The following CASQ2 variants were observed in gnomAD, a reference collection of about 807,000 sequenced individuals.
The protein encoded by CASQ2 is calsequestrin 2.
Under a neutral mutation model 46.5 loss-of-function variants are expected in CASQ2, and 49 were observed. That is an observed-to-expected ratio of 1.05 (90% CI 0.84 to 1.34). The LOEUF (loss-of-function observed/expected upper bound fraction) is 1.34. CASQ2 is among the 40% of genes most tolerant of loss of function. The pLI, the probability that CASQ2 is intolerant of heterozygous loss-of-function variation, is 0.00. For synonymous variants in CASQ2, 174 were observed against 168.5 expected (o/e 1.03, Z -0.25); for missense variants, 486 against 481.3 (o/e 1.01, Z -0.09).
intron 1 of CASQ2, among the ~76,000 whole-genome samples, chr1:115,765,376 A>T (rs1161063989): frequency 6.6e-6 from 1 of 152,108 alleles, no homozygotes; most frequent in Non-Finnish European, 1.5e-5. Context: ...CATCCCTTAG[A>T]GATGCAGACA....
chr1:115,738,426 G>A (rs998682190), intron 3 of CASQ2, 91 bp from the exon 4 acceptor site: 23 of 870,726 alleles, frequency 2.6e-5, no homozygotes, highest in South Asian at 9.2e-5. Context: ...AAGTTGTAGC[G>A]GACTTTGTGG....
At chr1:115,733,033 T>C (rs1235289321) in intron 4 of CASQ2, 59 bp from the exon 5 acceptor site, 3 of 1,269,226 alleles carry the variant, frequency 2.4e-6, no homozygotes, top group Admixed American at 1.7e-5. Context: ...CAGAAGAATC[T>C]TCTTTTTAAA....
chr1:115,749,483 A>G (rs957768642), intron 1 of CASQ2, among the ~76,000 whole-genome samples: 3 of 152,212 alleles, frequency 2.0e-5, no homozygotes, highest in Admixed American at 2.0e-4. Flanking sequence ...AGAGCAGGCA[A>G]TAACACATGG....
At position 115,701,344 on chromosome 1, in the gene CASQ2, A is replaced by G. The variant is rs762153545; in HGVS notation, c.1097T>C (p.Leu366Pro). 6 of 1,613,370 alleles carry G rather than the reference A, an allele frequency of 3.7e-6. No individual in the cohort carries two copies. The African/African-American group carries it at 6.7e-5, about 18-fold the overall frequency. The change falls in exon 11 of 11, where the codon CTT becomes CCT. Residue 366 changes from leucine to proline, a missense_variant. Transcript: ENST00000261448. The stretch of plus-strand genomic sequence containing the variant: ...ATCTTCAGTGTTTATCTTTCCAGAA[A>G]GCACATCCTCAATCCAGTCCTCCAG... ...EELEDWIEDVLSGKINTEDDD... is the reference protein window; with the variant it reads ...EELEDWIEDVPSGKINTEDDD...
At chr1:115,743,336 C>G (rs1372459720) in intron 2 of CASQ2, among the ~76,000 whole-genome samples, 1 of 152,032 alleles carries the variant, frequency 6.6e-6, no homozygotes, top group Non-Finnish European at 1.5e-5. Flanking sequence ...CTTGATCTCC[C>G]TGGCTCAAGC....
chr1:115,764,207 T>A (rs967394563), intron 1 of CASQ2, among the ~76,000 whole-genome samples: 14 of 152,134 alleles, frequency 9.2e-5, no homozygotes, highest in African/African-American at 3.4e-4. Flanking sequence ...TTTAAAACTC[T>A]AAAAATTGTG....
Position 115,768,632 on chromosome 1 carries a change from A to G in CASQ2, c.-91T>C. 1 of 828,896 alleles carries G rather than the reference A, an allele frequency of 1.2e-6. No homozygotes were observed. The highest frequency in any genetic ancestry group is 2.0e-6 in the Non-Finnish European group (1 of 498,942). The allele number at this position is 828,896 out of a possible 1,614,324, so 51.3% of individuals were successfully genotyped here. ...AGAGGCCTTGTTGAGCCAAGGAGAGAGCAGACAGGCTGATTTTCTCTCTTC... is the reference window on the plus strand; with the variant it reads ...AGAGGCCTTGTTGAGCCAAGGAGAGGGCAGACAGGCTGATTTTCTCTCTTC... On this transcript the variant is annotated 5_prime_UTR_variant, in exon 1 of 11. Transcript: ENST00000261448.
intron 6 of CASQ2, among the ~76,000 whole-genome samples, 173 bp downstream of exon 6, chr1:115,726,819 T>A (rs1193414171): frequency 1.3e-5 from 2 of 152,228 alleles, no homozygotes; most frequent in African/African-American, 4.8e-5. Flanking sequence ...GATTCAGAAG[T>A]AATAACATCC....
chr1:115,705,243 A>C lies in CASQ2; in HGVS notation c.888T>G (p.Thr296=), dbSNP rs769250369. 1 of 1,614,032 alleles carries C rather than the reference A, an allele frequency of 6.2e-7. No individual in the cohort carries two copies. Among genetic ancestry groups the C allele is most frequent in the African/African-American group, 1.3e-5 (1 of 74,948 alleles). ...ACAGGATGCTCAGATCGGGGTTGTC[A>C]GTATTGTCCCGGGCAACCTGTTTCA... ...EILKQVARDN[T]DNPDLSILWI... is the part of the protein sequence containing the mutation. Residue 296 remains threonine, a synonymous_variant, in exon 9 of 11, where the codon ACT becomes ACG. Coordinates refer to ENST00000261448, the MANE Select transcript of CASQ2 (RefSeq NM_001232.4).
chr1:115,706,399 A>G (rs957531310), intron 8 of CASQ2, among the ~76,000 whole-genome samples: 1 of 152,190 alleles, frequency 6.6e-6, no homozygotes, highest in East Asian at 1.9e-4. Context: ...AAAGCCTGTC[A>G]GAAGGCCCCA....
At chr1:115,763,445 A>G (rs530769134) in intron 1 of CASQ2, among the ~76,000 whole-genome samples, 1 of 152,212 alleles carries the variant, frequency 6.6e-6, no homozygotes, top group East Asian at 1.9e-4. Flanking sequence ...ATAAGCAATA[A>G]GAGGAGGAGC....
At chr1:115,747,818 C>T (rs1648440514) in intron 1 of CASQ2, among the ~76,000 whole-genome samples, 1 of 152,142 alleles carries the variant, frequency 6.6e-6, no homozygotes, top group African/African-American at 2.4e-5. Context: ...AATGTTAATG[C>T]TAAACTCACT....
At position 115,768,091 on chromosome 1, in the gene CASQ2, C is replaced by T. The variant is rs538793713; in HGVS notation, c.234+217G>A. Among the ~76,000 whole-genome samples, 4 of 152,314 alleles carry T rather than the reference C, an allele frequency of 2.6e-5. No individual in the cohort carries two copies. In the South Asian group the frequency reaches 8.3e-4, roughly 32 times the overall value. On this transcript the variant is annotated intron_variant, in intron 1 of 10. Transcript: ENST00000261448. ...ACATCAGACCCATCGTAGTGTAGCA[C>T]GTTTGGTCCTCTTCATTTGAAGAGT...
intron 7 of CASQ2, among the ~76,000 whole-genome samples, chr1:115,720,575 G>A (rs939558751): frequency 3.3e-5 from 5 of 152,170 alleles, no homozygotes; most frequent in African/African-American, 1.2e-4. Flanking sequence ...AGAAAATGTT[G>A]TAAACTTGGA....
At chr1:115,749,252 G>C (rs921004882) in intron 1 of CASQ2, among the ~76,000 whole-genome samples, 1 of 152,146 alleles carries the variant, frequency 6.6e-6, no homozygotes, top group Non-Finnish European at 1.5e-5. Flanking sequence ...TCTCTCCTAG[G>C]TACGCACTAC....
In CASQ2 at chr1:115,739,061, T is replaced by A. The variant is rs572809329; in HGVS notation, c.421-726A>T. 7.7e-4 allele frequency among the ~76,000 whole-genome samples: 37 copies of A among 47,866 alleles called. No individual in the cohort carries two copies. In the South Asian group the frequency reaches 0.012, roughly 15 times the overall value. 31.4% of individuals were successfully genotyped at this position (47,866 alleles called of 152,430 possible). A position where few individuals can be genotyped will look rare whatever the true frequency, so the allele number is the denominator to read the frequency against. On this transcript the variant is annotated intron_variant, in intron 3 of 10. Transcript: ENST00000261448. ...TAGTTGCAAATGATAGTTTTCTTTTTTTAAAAAAAAAAAAAGCTGAATAGT... is the reference window on the plus strand; with the variant it reads ...TAGTTGCAAATGATAGTTTTCTTTTATTAAAAAAAAAAAAAGCTGAATAGT...
intron 1 of CASQ2, among the ~76,000 whole-genome samples, chr1:115,752,659 G>C (rs1457514315): frequency 6.6e-6 from 1 of 152,178 alleles, no homozygotes; most frequent in Non-Finnish European, 1.5e-5. Context: ...TTGGGGTGCT[G>C]AAAGAAGTCC....
In CASQ2 at chr1:115,744,866, A is replaced by G. The variant is rs755766840; in HGVS notation, c.281T>C (p.Val94Ala). 15 of 1,613,792 alleles carry G rather than the reference A, an allele frequency of 9.3e-6. No homozygotes were observed. Among genetic ancestry groups the G allele is most frequent in the Non-Finnish European group, 1.3e-5 (15 of 1,179,910 alleles). ...AAGCTTGGCTTCTTTCTTGGCATCCACCATCACAAAGCCTATAGCTTTATG... is the reference window on the plus strand; with the variant it reads ...AAGCTTGGCTTCTTTCTTGGCATCCGCCATCACAAAGCCTATAGCTTTATG... The part of the protein sequence containing the change: ...LEHKAIGFVM[V>A]DAKKEAKLAK... The change falls in exon 2 of 11, where the codon GTG (valine) becomes GCG (alanine). Residue 94 changes from valine (V) to alanine (A), a missense_variant. By Grantham distance (64) the Val-to-Ala change is moderately conservative. Transcript: ENST00000261448.
At chr1:115,761,163 C>T (rs1259740623) in intron 1 of CASQ2, among the ~76,000 whole-genome samples, 2 of 151,276 alleles carry the variant, frequency 1.3e-5, no homozygotes, top group Non-Finnish European at 1.5e-5. Context: ...GCACTGCTAC[C>T]TCATCTGAGG....
Sources: gnomAD v4.1 joint callset for allele counts (sites outside exome capture counted in the v4.1 genomes callset) on GRCh38, gnomAD v4.1.1 for gene constraint, MANE v1.5 for transcripts, NCBI Gene and HGNC (gene_info 2026-07-23, HGNC 2026-07-21) for gene names.